EGF: variants seen among roughly 807,000 people sequenced by gnomAD.
The protein encoded by EGF is pro-epidermal growth factor.
Under a neutral mutation model 143.8 loss-of-function variants are expected in EGF, and 95 were observed. The ratio of observed to expected loss-of-function variants is 0.66; its 90% CI spans 0.56 to 0.78. EGF has a LOEUF of 0.78. EGF is among the 30% of genes least tolerant of loss of function. The pLI is 0.00. For missense variants in EGF, 1,320 were observed against 1,470.9 expected (o/e 0.90, Z 1.68); for synonymous variants, 510 against 510.5 (o/e 1.00, Z 0.01).
At chr4:109,984,622 A>G (rs1004341658) in intron 16 of EGF, among the ~76,000 whole-genome samples, 3 of 152,046 alleles carry the variant, frequency 2.0e-5, no homozygotes, top group African/African-American at 7.3e-5. Flanking sequence ...AATAATACTG[A>G]TCTGTGTTCA....
chr4:109,975,785 G>C (rs1485867621), intron 12 of EGF, among the ~76,000 whole-genome samples: 1 of 152,048 alleles, frequency 6.6e-6, no homozygotes, highest in Non-Finnish European at 1.5e-5. Flanking sequence ...CTAATGATCT[G>C]AGCTTTAATT....
At chr4:109,965,852 C>T (rs1294960315) in intron 10 of EGF, among the ~76,000 whole-genome samples, 3 of 152,022 alleles carry the variant, frequency 2.0e-5, no homozygotes, top group East Asian at 1.9e-4. Context: ...TGAAGTACCC[C>T]TATTTGTATT....
At chr4:109,975,210 G>A (rs1748301930) in intron 12 of EGF, among the ~76,000 whole-genome samples, 1 of 152,200 alleles carries the variant, frequency 6.6e-6, no homozygotes, top group Admixed American at 6.5e-5. Flanking sequence ...AACAGAAACT[G>A]TGAAAGGTTA....
intron 1 of EGF, among the ~76,000 whole-genome samples, chr4:109,928,783 ATCTT>A (rs1483245680): frequency 6.6e-6 from 1 of 152,046 alleles, no homozygotes; most frequent in African/African-American, 2.4e-5. Flanking sequence ...CAATCTTAAG[ATCTT>A]TCTTTTAATG....
At chr4:109,969,260 C>T (rs749678485) in intron 11 of EGF, 141 bp downstream of exon 11, 94 of 1,048,208 alleles carry the variant, frequency 9.0e-5, no homozygotes, top group Admixed American at 1.6e-4. Context: ...GCCACCATTG[C>T]GGTCCACACT....
chr4:109,978,917 T>A (rs1226969000), intron 13 of EGF, among the ~76,000 whole-genome samples: 1 of 152,216 alleles, frequency 6.6e-6, no homozygotes, highest in Non-Finnish European at 1.5e-5. Flanking sequence ...GGGGAAGACA[T>A]TCATTCTAAT....
chr4:109,963,235 T>C lies in EGF; in HGVS notation c.1375T>C (p.Trp459Arg). The change falls in exon 9 of 24, where the codon TGG (tryptophan) becomes CGG (arginine). Residue 459 changes from tryptophan (W) to arginine (R), a missense_variant. Trp to Arg is a moderately radical substitution (Grantham distance 101). Around this residue, in one of 5 missense-constraint regions of EGF, gnomAD observed 1,186 missense variants for 1,313.7 expected, o/e 0.90. Transcript: ENST00000265171. ...QLCVPLSPVS[W>R]ECDCFPGYDL... is the part of the protein sequence containing the mutation. ...CTGCGTTCCTCTTAGCCCAGTATCC[T>C]GGGAATGTGATTGCTTTCCTGGGTA... 1.9e-6 allele frequency: 3 copies of C among 1,614,038 alleles called. No homozygotes were observed. Among genetic ancestry groups the C allele is most frequent in the Non-Finnish European group, 2.5e-6 (3 of 1,179,962 alleles).
intron 1 of EGF, 35 bp downstream of exon 1, chr4:109,913,497 C>T (rs370707668): frequency 4.9e-5 from 78 of 1,608,010 alleles, no homozygotes; most frequent in Middle Eastern, 1.6e-4. Flanking sequence ...TCCAGGTCTC[C>T]GGGAAACTGC....
In EGF at chr4:110,005,140, G is replaced by A. The variant is rs550329080; in HGVS notation, c.3291+518G>A. Among the ~76,000 whole-genome samples, 200 of 146,252 alleles carry A rather than the reference G, an allele frequency of 1.4e-3. 1 individual carries two copies. Among genetic ancestry groups the A allele is most frequent in the African/African-American group, 4.0e-3 (155 of 39,178 alleles). ...TGCTCACTGCAGCCTCGAACTCCTG[G>A]GCTCAAACAATCCTCCCAGCTCAGC... On this transcript the variant is annotated intron_variant, in intron 22 of 23. Transcript: ENST00000265171.
intron 10 of EGF, among the ~76,000 whole-genome samples, chr4:109,966,189 C>T (rs1446765963): frequency 1.3e-5 from 2 of 151,920 alleles, no homozygotes; most frequent in African/African-American, 4.8e-5. Context: ...AGTATTTCAC[C>T]TGTTACCCCC....
At chr4:109,930,320 C>G (rs1200540425) in intron 1 of EGF, among the ~76,000 whole-genome samples, 2 of 152,174 alleles carry the variant, frequency 1.3e-5, no homozygotes, top group African/African-American at 2.4e-5. Flanking sequence ...AAAACCCAAG[C>G]TGTCATTTAA....
chr4:109,970,049 A>T (rs1405950224), intron 11 of EGF, among the ~76,000 whole-genome samples: 1 of 152,164 alleles, frequency 6.6e-6, no homozygotes, highest in Non-Finnish European at 1.5e-5. Context: ...AGTGCATGAG[A>T]TAAGAGAGAT....
chr4:109,964,946 G>A (rs2126068692), intron 10 of EGF, among the ~76,000 whole-genome samples: 1 of 152,170 alleles, frequency 6.6e-6, no homozygotes, highest in East Asian at 1.9e-4. Context: ...TTAGTAATTT[G>A]TGTTTTACAT....
At position 109,913,347 on chromosome 4, in the gene EGF, T is replaced by G. The variant is rs1293907015; in HGVS notation, c.12T>G (p.Thr4=). The change falls in exon 1 of 24, where the codon ACT becomes ACG. Residue 4 remains threonine, a synonymous_variant. Transcript: ENST00000265171. ...AACTCATCAAGATTATGCTGCTCAC[T>G]CTTATCATTCTGTTGCCAGTAGTTT... MLL[T]LIILLPVVSK... The G allele has an allele frequency of 1.2e-6, 2 of 1,613,816 alleles. No individual in the cohort carries two copies. The highest frequency in any genetic ancestry group is 1.7e-6 in the Non-Finnish European group (2 of 1,179,864).
intron 21 of EGF, among the ~76,000 whole-genome samples, chr4:110,001,093 C>A (rs1005275442): frequency 5.3e-5 from 8 of 152,320 alleles, no homozygotes; most frequent in Non-Finnish European, 1.2e-4. Context: ...GCTCTGGAAT[C>A]AGATTATACA....
At position 109,980,968 on chromosome 4, in the gene EGF, G is replaced by A; in HGVS notation, c.2364G>A (p.Leu788=). 6.2e-7 allele frequency: 1 copy of A among 1,614,086 alleles called. No individual in the cohort carries two copies. The highest frequency in any genetic ancestry group is 8.5e-7 in the Non-Finnish European group (1 of 1,179,960). The part of the protein sequence containing the change: ...KTCLALDGHQ[L]LAGGEVDLKN... ...GTCTGGCTCTGGATGGTCATCAGCT[G>A]TTGGCAGGTAATATAATAAATTATG... is the stretch of plus-strand genomic sequence containing the variant. The change falls in exon 15 of 24, where the codon CTG becomes CTA. Residue 788 remains leucine, a synonymous_variant. Transcript: ENST00000265171.
At chr4:110,010,800 C>T (rs1753897141) in intron 23 of EGF, among the ~76,000 whole-genome samples, 1 of 152,116 alleles carries the variant, frequency 6.6e-6, no homozygotes, top group African/African-American at 2.4e-5. Flanking sequence ...GTGTCTCATA[C>T]CTGTAATTCT....
intron 1 of EGF, among the ~76,000 whole-genome samples, chr4:109,933,565 C>G (rs1056367058): frequency 1.3e-5 from 2 of 152,116 alleles, no homozygotes; most frequent in African/African-American, 4.8e-5. Context: ...AACGCTATCC[C>G]TCCACCAGCC....
rs1371101394 is a variant in EGF, at chr4:109,980,417, C to T, written c.2221+278C>T. Reference sequence around the variant, plus strand: ...GGGTTAAGGCAGGCAATTTAGACACCGGCAGTGGAAGCTTCTGTCGACACT... The same window carrying T: ...GGGTTAAGGCAGGCAATTTAGACACTGGCAGTGGAAGCTTCTGTCGACACT... On this transcript the variant is annotated intron_variant, in intron 14 of 23. Transcript: ENST00000265171. Among the ~76,000 whole-genome samples, 12 of 152,244 alleles carry T rather than the reference C, an allele frequency of 7.9e-5. No individual in the cohort carries two copies. The South Asian group carries it at 1.7e-3, about 21-fold the overall frequency.
Sources: gnomAD v4.1 joint callset for allele counts (sites outside exome capture counted in the v4.1 genomes callset) on GRCh38, gnomAD v4.1.1 for gene constraint, gnomAD v4.1.1 regional missense constraint, MANE v1.5 for transcripts, NCBI Gene and HGNC (gene_info 2026-07-23, HGNC 2026-07-21) for gene names.